PCDHGA3: variants seen among roughly 807,000 people sequenced by gnomAD.
PCDHGA3 encodes the protein protocadherin gamma-A3.
PCDHGA3 carries 40 observed loss-of-function variants against 58.5 expected under a neutral mutation model. That is an observed-to-expected ratio of 0.68 (90% CI 0.53 to 0.89). PCDHGA3 has a LOEUF of 0.89. Ranked by LOEUF, PCDHGA3 falls within the 40% of genes least tolerant of loss-of-function variation. The probability of loss-of-function intolerance (pLI) is 0.00; values close to 1 mark genes in which losing one functional copy is unlikely to be tolerated. For synonymous variants in PCDHGA3, 530 were observed against 525.7 expected, an observed-to-expected ratio of 1.01 and a Z score of -0.11; for missense variants, 1,223 against 1,195.9, an observed-to-expected ratio of 1.02 and a Z score of -0.33.
chr5:141,383,975 A>G (rs2150246512), intron 1 of PCDHGA3: 3 of 1,613,820 alleles, frequency 1.9e-6, no homozygotes, highest in South Asian at 2.2e-5. Flanking sequence ...ATCCCTGAAG[A>G]CACACCTCTT....
chr5:141,406,528 TGAC>T (rs1369720853), intron 1 of PCDHGA3, among the ~76,000 whole-genome samples: 4 of 152,246 alleles, frequency 2.6e-5, no homozygotes, highest in Non-Finnish European at 5.9e-5. Context: ...AGATATTTTC[TGAC>T]GAAGATTCAA....
chr5:141,346,449 C>A lies in PCDHGA3; in HGVS notation c.2416C>A (p.Leu806Ile). 1 of 1,614,252 alleles carries A rather than the reference C, an allele frequency of 6.2e-7. No individual in the cohort carries two copies. The highest frequency in any genetic ancestry group is 8.5e-7 in the Non-Finnish European group (1 of 1,180,048). ...ACTTGAAATGAAAGGAGATTCCAAC[C>A]TACTTCAGGTGAGTTTATTTATTTC... ...DLLEMKGDSN[L>I]LQQAPPNTDW... The change falls in exon 1 of 4, where the codon CTA (leucine) becomes ATA (isoleucine). Residue 806 changes from leucine (L) to isoleucine (I), a missense_variant. Physicochemically the swap from Leu to Ile is conservative, Grantham distance 5 (BLOSUM62 2). Transcript: ENST00000253812.
chr5:141,445,889 C>A (rs920382027), intron 1 of PCDHGA3, among the ~76,000 whole-genome samples: 6 of 152,110 alleles, frequency 3.9e-5, no homozygotes, highest in African/African-American at 1.4e-4. Context: ...TACTTAGGAG[C>A]TATTAAAATA....
intron 1 of PCDHGA3, chr5:141,409,456 C>T: frequency 1.2e-6 from 2 of 1,613,974 alleles, no homozygotes; most frequent in Middle Eastern, 3.3e-4. Context: ...CACCAGAATA[C>T]AATGTCACCA....
chr5:141,352,431 A>G (rs1158793043), intron 1 of PCDHGA3: 1 of 1,613,890 alleles, frequency 6.2e-7, no homozygotes, highest in African/African-American at 1.3e-5. Context: ...GGCTGCTTTC[A>G]AACCGGTCTC....
chr5:141,498,065 G>C (rs1197771947), intron 2 of PCDHGA3, among the ~76,000 whole-genome samples: 1 of 152,220 alleles, frequency 6.6e-6, no homozygotes, highest in Non-Finnish European at 1.5e-5. Context: ...GACTGAAACT[G>C]TCATAAGTGC....
Position 141,374,832 on chromosome 5 carries a change from G to A in PCDHGA3, c.2424+28375G>A, listed in dbSNP as rs776699327. On this transcript the variant is annotated intron_variant, in intron 1 of 3. Transcript: ENST00000253812. ...TTTACTCAGCCTGTCTACCGTGTAA[G>A]TGTTCCTGAAAACCTGCCAGTAGGC... 3.1e-6 allele frequency: 5 copies of A among 1,613,908 alleles called. 1 individual carries two copies. The South Asian group carries it at 5.5e-5, about 18-fold the overall frequency.
rs1456451105 is a variant in PCDHGA3 at position 141,477,377 on chromosome 5, C to T, written c.2425-17430C>T. Reference sequence around the variant, plus strand: ...TGCAGACCTGGATCGGGAGACTGTGCCAGAATACAACCTCAGCATCACCGC... The same window carrying T: ...TGCAGACCTGGATCGGGAGACTGTGTCAGAATACAACCTCAGCATCACCGC... On this transcript the variant is annotated intron_variant, in intron 1 of 3. Coordinates refer to ENST00000253812, the MANE Select transcript of PCDHGA3 (RefSeq NM_018916.4). This position sits in a 1 kb window ranked among gnomAD's most constrained non-coding sequence, Gnocchi z 4.9. 1 of 1,614,144 alleles carries T rather than the reference C, an allele frequency of 6.2e-7. No homozygotes were observed. Among genetic ancestry groups the T allele is most frequent in the South Asian group, 1.1e-5 (1 of 91,080 alleles).
At chr5:141,409,334 G>A (rs767579166) in intron 1 of PCDHGA3, 1 of 1,613,974 alleles carries the variant, frequency 6.2e-7, no homozygotes, top group South Asian at 1.1e-5. Flanking sequence ...GGATTTCGGA[G>A]GAAATGGAGA....
rs752145084 is a variant in PCDHGA3 at position 141,489,550 on chromosome 5, C to T, written c.2425-5257C>T. On this transcript the variant is annotated intron_variant, in intron 1 of 3. Coordinates refer to ENST00000253812, the MANE Select transcript of PCDHGA3 (RefSeq NM_018916.4). This position sits in a 1 kb window ranked among gnomAD's most constrained non-coding sequence, Gnocchi z 4.5. ...ATGTGGAGCCAGCACCAGCTGCCTGCTGCCAGTGCAGGTGGTGACTGAACA... is the reference window on the plus strand; with the variant it reads ...ATGTGGAGCCAGCACCAGCTGCCTGTTGCCAGTGCAGGTGGTGACTGAACA... The T allele has an allele frequency of 1.2e-6, 2 of 1,614,132 alleles. No homozygotes were observed. The highest frequency in any genetic ancestry group is 1.7e-5 in the Admixed American group (1 of 60,030).
chr5:141,360,389 T>G, intron 1 of PCDHGA3: 1 of 1,613,908 alleles, frequency 6.2e-7, no homozygotes, highest in Non-Finnish European at 8.5e-7. Context: ...GGAGACTTAC[T>G]TGTGAGTGAC....
At chr5:141,376,005 G>A (rs1265900699) in intron 1 of PCDHGA3, 1 of 1,613,430 alleles carries the variant, frequency 6.2e-7, no homozygotes, top group Non-Finnish European at 8.5e-7. Flanking sequence ...CTCAAGCAGA[G>A]CCTAGTGGTG....
At chr5:141,392,131 T>C (rs1434001990) in intron 1 of PCDHGA3, 2 of 152,204 alleles carry the variant, frequency 1.3e-5, no homozygotes, top group African/African-American at 4.8e-5. Flanking sequence ...TGTAAAATGA[T>C]TAAGTAGTTT....
At chr5:141,458,081 G>A (rs765008628) in intron 1 of PCDHGA3, among the ~76,000 whole-genome samples, 62 of 152,186 alleles carry the variant, frequency 4.1e-4, no homozygotes, top group East Asian at 1.9e-4. Flanking sequence ...CTATATTGCC[G>A]TAAGTTAAGA....
At chr5:141,356,362 G>C in intron 1 of PCDHGA3, 1 of 1,558,240 alleles carries the variant, frequency 6.4e-7, no homozygotes, top group Non-Finnish European at 8.7e-7. Flanking sequence ...TTCTATTCCA[G>C]ATAATCTGCC....
rs1020143604 is a variant in PCDHGA3, at chr5:141,387,463, C to T, written c.2424+41006C>T. 8.8e-4 allele frequency among the ~76,000 whole-genome samples: 134 copies of T among 152,318 alleles called. 2 individuals are homozygous for T. Among genetic ancestry groups the T allele is most frequent in the East Asian group, 3.9e-4 (2 of 5,186 alleles). ...TAATCTACATGATTTGCCTAAAAAT[C>T]CTCAAAGTTGGGATGAAGGCATTCC... On this transcript the variant is annotated intron_variant, in intron 1 of 3. Transcript: ENST00000253812.
intron 2 of PCDHGA3, among the ~76,000 whole-genome samples, chr5:141,503,700 C>G (rs2099828974): frequency 6.6e-6 from 1 of 152,016 alleles, no homozygotes; most frequent in Non-Finnish European, 1.5e-5. Flanking sequence ...GAGATTCCTG[C>G]TTTCCCCTTC....
chr5:141,403,254 G>A (rs2094383546), intron 1 of PCDHGA3: 3 of 1,613,830 alleles, frequency 1.9e-6, no homozygotes, highest in Non-Finnish European at 2.5e-6. Flanking sequence ...CAGAGCCCGC[G>A]GTGTCTGGTG....
intron 1 of PCDHGA3, among the ~76,000 whole-genome samples, chr5:141,469,671 A>G (rs1285283342): frequency 1.3e-5 from 2 of 152,236 alleles, no homozygotes; most frequent in Non-Finnish European, 2.9e-5. Flanking sequence ...TTCTAATAAA[A>G]CTACATATGC....
Sources: allele counts gnomAD v4.1 joint callset (sites outside exome capture counted in the v4.1 genomes callset), GRCh38; gene constraint gnomAD v4.1.1; non-coding constraint Gnocchi (gnomAD v3.1); transcripts MANE v1.5; gene names NCBI Gene and HGNC (gene_info 2026-07-23, HGNC 2026-07-21).